Variants in CAMTA1 observed in about 807,000 individuals in gnomAD.
CAMTA1 encodes the protein calmodulin-binding transcription activator 1.
A neutral mutation model predicts 170.9 loss-of-function variants in CAMTA1; 27 were observed. The observed-to-expected ratio is 0.16, with a 90% confidence interval of 0.12 to 0.22. The LOEUF (loss-of-function observed/expected upper bound fraction) is 0.22. CAMTA1 is among the 10% of genes least tolerant of loss of function. The pLI is 1.00. For synonymous variants in CAMTA1, 833 were observed against 891.5 expected, an observed-to-expected ratio of 0.93 and a Z score of 1.17; for missense variants, 1,619 against 2,217.2, an observed-to-expected ratio of 0.73 and a Z score of 5.42.
chr1:7,026,507 A>T (rs182840266), intron 3 of CAMTA1, among the ~76,000 whole-genome samples: 7 of 152,116 alleles, frequency 4.6e-5, no homozygotes, highest in Non-Finnish European at 8.8e-5. Flanking sequence ...AACTAAGACT[A>T]TAAGATTAGT....
intron 1 of CAMTA1, among the ~76,000 whole-genome samples, chr1:6,804,302 G>A (rs1320302179): frequency 6.7e-6 from 1 of 149,834 alleles, no homozygotes; most frequent in Non-Finnish European, 1.5e-5. Flanking sequence ...GCAGGTATAA[G>A]CCACTGTGCC....
In CAMTA1 at chr1:6,797,420, C is replaced by A. The variant is rs1400231393; in HGVS notation, c.45+11845C>A. Among the ~76,000 whole-genome samples the A allele has an allele frequency of 4.4e-4, 66 of 148,510 alleles. 1 individual carries two copies. Among genetic ancestry groups the A allele is most frequent in the Admixed American group, 4.4e-3 (66 of 14,884 alleles). ...TTTTTTTTTGAGATGGAATCTAGCTCTGTCACCCAGGCTGGAGTGCAGTGG... is the reference window on the plus strand; with the variant it reads ...TTTTTTTTTGAGATGGAATCTAGCTATGTCACCCAGGCTGGAGTGCAGTGG... On this transcript the variant is annotated intron_variant, in intron 1 of 22. Transcript: ENST00000303635.
chr1:7,043,682 A>G (rs1423365265), intron 3 of CAMTA1, among the ~76,000 whole-genome samples: 1 of 151,986 alleles, frequency 6.6e-6, no homozygotes, highest in East Asian at 1.9e-4. Flanking sequence ...GCCTGCCTTT[A>G]TTAGCAGTGG....
Position 7,249,350 on chromosome 1 carries a change from C to T in CAMTA1, c.303-141C>T, listed in dbSNP as rs1218692032. On this transcript the variant is annotated intron_variant, in intron 4 of 22. Coordinates refer to ENST00000303635, the MANE Select transcript of CAMTA1 (RefSeq NM_015215.4). The surrounding 1 kb of genome is among the most constrained non-coding windows in gnomAD (Gnocchi z 4.4). Reference sequence around the variant, plus strand: ...AAAACATGGTTAATCCAGGGAGATGCAATAAAAGGTGAAAAATTATGTTCC... The same window carrying T: ...AAAACATGGTTAATCCAGGGAGATGTAATAAAAGGTGAAAAATTATGTTCC... 8.2e-6 allele frequency: 7 copies of T among 856,778 alleles called. No individual in the cohort carries two copies. Among genetic ancestry groups the T allele is most frequent in the Non-Finnish European group, 1.2e-5 (7 of 562,744 alleles). The allele number at this position is 856,778 out of a possible 1,614,324, so 53.1% of individuals were successfully genotyped here. A position where few individuals can be genotyped will look rare whatever the true frequency, so the allele number is the denominator to read the frequency against.
intron 4 of CAMTA1, among the ~76,000 whole-genome samples, chr1:7,199,114 C>T (rs1472341667): frequency 6.6e-6 from 1 of 151,844 alleles, no homozygotes; most frequent in Non-Finnish European, 1.5e-5. Context: ...TGGGTACTGT[C>T]TCCATCTTTG....
chr1:7,319,982 C>G (rs1218132453), intron 5 of CAMTA1, among the ~76,000 whole-genome samples: 2 of 152,062 alleles, frequency 1.3e-5, no homozygotes, highest in Non-Finnish European at 2.9e-5. Context: ...ATTTATTTAC[C>G]CAGTCTAATA....
At chr1:6,925,408 C>T (rs532342658) in intron 3 of CAMTA1, among the ~76,000 whole-genome samples, 44 of 152,334 alleles carry the variant, frequency 2.9e-4, no homozygotes, top group Non-Finnish European at 5.0e-4. Context: ...ACCTCGCTTT[C>T]GAGGGGGAAA....
At chr1:6,919,127 C>T (rs991724712) in intron 3 of CAMTA1, among the ~76,000 whole-genome samples, 4 of 152,180 alleles carry the variant, frequency 2.6e-5, no homozygotes, top group Admixed American at 6.5e-5. Flanking sequence ...TGTTTCTCTC[C>T]GTGGTGAGCC....
At chr1:6,894,765 A>G (rs1231293145) in intron 3 of CAMTA1, among the ~76,000 whole-genome samples, 1 of 152,240 alleles carries the variant, frequency 6.6e-6, no homozygotes, top group Non-Finnish European at 1.5e-5. Flanking sequence ...TTCAGGATAT[A>G]AGAATGCTAA....
At chr1:7,078,022 A>G (rs1246016423) in intron 3 of CAMTA1, among the ~76,000 whole-genome samples, 1 of 152,164 alleles carries the variant, frequency 6.6e-6, no homozygotes, top group Non-Finnish European at 1.5e-5. Context: ...ACACACTCTG[A>G]TATAAATTCC....
At chr1:6,794,542 A>C (rs1015386781) in intron 1 of CAMTA1, among the ~76,000 whole-genome samples, 1 of 152,216 alleles carries the variant, frequency 6.6e-6, no homozygotes, top group African/African-American at 2.4e-5. Context: ...TTTAAGCCAT[A>C]TGAATGGTAA....
At chr1:6,928,164 A>T (rs949584268) in intron 3 of CAMTA1, among the ~76,000 whole-genome samples, 3 of 152,170 alleles carry the variant, frequency 2.0e-5, no homozygotes, top group African/African-American at 7.2e-5. Flanking sequence ...TAGGATGTGG[A>T]TTCAGAAAAC....
chr1:7,679,462 CG>C (rs911564432), intron 11 of CAMTA1, among the ~76,000 whole-genome samples: 3 of 152,104 alleles, frequency 2.0e-5, no homozygotes, highest in African/African-American at 4.8e-5. Context: ...CCATAGAAAC[CG>C]GGGGGAAGGG....
intron 1 of CAMTA1, among the ~76,000 whole-genome samples, chr1:6,794,783 A>G (rs1642028181): frequency 6.6e-6 from 1 of 152,216 alleles, no homozygotes; most frequent in South Asian, 2.1e-4. Context: ...GATGAAAAAT[A>G]TGAACAATCC....
chr1:6,926,011 C>T lies in CAMTA1; in HGVS notation c.234+100801C>T, dbSNP rs1683011069. Among the ~76,000 whole-genome samples the T allele has an allele frequency of 1.3e-5, 2 of 152,248 alleles. 1 individual carries two copies. The highest frequency in any genetic ancestry group is 1.3e-4 in the Admixed American group (2 of 15,282). On this transcript the variant is annotated intron_variant, in intron 3 of 22. Coordinates refer to ENST00000303635, the MANE Select transcript of CAMTA1 (RefSeq NM_015215.4). ...TCCATAATCTAAGTCACAGCCACCACTACTGCCACTTACTGAGCACTTAAC... is the reference window on the plus strand; with the variant it reads ...TCCATAATCTAAGTCACAGCCACCATTACTGCCACTTACTGAGCACTTAAC...
chr1:7,648,506 A>G (rs1176980527), intron 7 of CAMTA1, among the ~76,000 whole-genome samples: 1 of 151,850 alleles, frequency 6.6e-6, no homozygotes, highest in Non-Finnish European at 1.5e-5. Context: ...TGGGAGAGAG[A>G]GGGGGTGTTG....
intron 4 of CAMTA1, among the ~76,000 whole-genome samples, chr1:7,225,260 T>G (rs1455282555): frequency 6.6e-6 from 1 of 152,094 alleles, no homozygotes; most frequent in African/African-American, 2.4e-5. Flanking sequence ...AATTTTTATA[T>G]TTTTTAGTAG....
At position 7,748,238 on chromosome 1, in the gene CAMTA1, AAAACAAACAAAC is replaced by A. The variant is rs138857646; in HGVS notation, c.4689+481_4689+492del. Reference sequence around the variant, plus strand: ...GAGACTTAATTTGAACTGCCATGATAAAACAAACAAACAAACAAACAAACAAACAAACAAAAA... The same window carrying A: ...GAGACTTAATTTGAACTGCCATGATAAAACAAACAAACAAACAAACAAAAA... On this transcript the variant is annotated intron_variant, in intron 19 of 22. Transcript: ENST00000303635. The surrounding 1 kb of genome is among the most constrained non-coding windows in gnomAD (Gnocchi z 4.7). 0.67 allele frequency among the ~76,000 whole-genome samples: 100,354 copies of A among 150,888 alleles called. 33,886 individuals carry two copies. Among genetic ancestry groups the A allele is most frequent in the Middle Eastern group, 0.77 (225 of 294 alleles).
intron 11 of CAMTA1, among the ~76,000 whole-genome samples, chr1:7,687,331 G>A (rs550305957): frequency 2.6e-5 from 4 of 152,042 alleles, no homozygotes; most frequent in Non-Finnish European, 4.4e-5. Flanking sequence ...AAAAGGACGT[G>A]GTCAGGCAGG....
Sources: allele counts gnomAD v4.1 joint callset (sites outside exome capture counted in the v4.1 genomes callset), GRCh38; gene constraint gnomAD v4.1.1; non-coding constraint Gnocchi (gnomAD v3.1); transcripts MANE v1.5; gene names NCBI Gene and HGNC (gene_info 2026-07-23, HGNC 2026-07-21).